Variants in DYNC1I2 observed in about 807,000 individuals in gnomAD.
The protein encoded by DYNC1I2 is dynein cytoplasmic 1 intermediate chain 2, also known as cytoplasmic dynein 1 intermediate chain 2.
DYNC1I2 carries 53 observed loss-of-function variants against 88.6 expected under a neutral mutation model. The observed-to-expected ratio is 0.60, with a 90% CI of 0.48 to 0.75. The LOEUF is 0.75. Among genes scored for constraint, DYNC1I2 ranks in the 30% least tolerant of loss-of-function variants. The pLI is 0.00. For missense variants in DYNC1I2, 458 were observed against 766.6 expected, an observed-to-expected ratio of 0.60 and a Z score of 4.75; for synonymous variants, 198 against 254.6, an observed-to-expected ratio of 0.78 and a Z score of 2.12.
intron 5 of DYNC1I2, among the ~76,000 whole-genome samples, chr2:171,708,077 A>ACACACG (rs1686824442): frequency 6.6e-6 from 1 of 151,940 alleles, no homozygotes; most frequent in Non-Finnish European, 1.5e-5. Flanking sequence ...TCACACACAC[A>ACACACG]CACACACACA....
chr2:171,726,271 G>A lies in DYNC1I2; in HGVS notation c.848G>A (p.Ser283Asn). 1 of 1,611,532 alleles carries A rather than the reference G, an allele frequency of 6.2e-7. No homozygotes were observed. ...DERWSKHRVVSCLDWSSQYPE... is the reference protein window; with the variant it reads ...DERWSKHRVVNCLDWSSQYPE... The stretch of plus-strand genomic sequence containing the variant: ...CGTTGGTCAAAGCATCGGGTGGTTA[G>A]TTGTTTGGATTGGTCATCTCAGGTA... The change falls in exon 10 of 18, where the codon AGT (serine) becomes AAT (asparagine). Residue 283 changes from serine to asparagine, a missense_variant. This residue lies in a region of DYNC1I2 where 203 missense variants were observed against 354.2 expected (regional missense o/e 0.57). Coordinates refer to ENST00000397119, the MANE Select transcript of DYNC1I2 (RefSeq NM_001378.3).
chr2:171,738,367 G>A (rs1230562405), intron 15 of DYNC1I2, among the ~76,000 whole-genome samples: 1 of 152,050 alleles, frequency 6.6e-6, no homozygotes, highest in Non-Finnish European at 1.5e-5. Context: ...ATACTCATTT[G>A]TGTCTGGCTT....
At position 171,747,915 on chromosome 2, in the gene DYNC1I2, T is replaced by C. The variant is rs1234490380; in HGVS notation, c.*26T>C. The C allele has an allele frequency of 1.3e-6, 2 of 1,502,930 alleles. No individual in the cohort carries two copies. The highest frequency in any genetic ancestry group is 1.1e-5 in the South Asian group (1 of 87,016). 93.1% of individuals were successfully genotyped at this position (1,502,930 alleles called of 1,614,324 possible). A position where few individuals can be genotyped will look rare whatever the true frequency, so the allele number is the denominator to read the frequency against. ...TTCCTGAAAAGGGGAGTGTAACTAG[T>C]GGATTTGGGAAAGGTTCTTAAGTAG... On this transcript the variant is annotated 3_prime_UTR_variant, in exon 18 of 18. Coordinates refer to ENST00000397119, the MANE Select transcript of DYNC1I2 (RefSeq NM_001378.3).
At chr2:171,692,674 C>T in intron 2 of DYNC1I2, 103 bp from the exon 3 acceptor site, 2 of 706,884 alleles carry the variant, frequency 2.8e-6, no homozygotes, top group South Asian at 4.3e-5. Flanking sequence ...AAACTAAGTT[C>T]ATGCCTTAAA....
chr2:171,690,439 T>A (rs999559370), intron 2 of DYNC1I2, among the ~76,000 whole-genome samples, 176 bp downstream of exon 2: 7 of 152,160 alleles, frequency 4.6e-5, no homozygotes, highest in African/African-American at 1.7e-4. Flanking sequence ...AATCTAGCAG[T>A]TCTGACTGCA....
chr2:171,714,052 A>G (rs1687315699), intron 6 of DYNC1I2, among the ~76,000 whole-genome samples: 1 of 152,134 alleles, frequency 6.6e-6, no homozygotes. Flanking sequence ...ATTTTTTTCC[A>G]GCTATGTGAG....
chr2:171,691,261 T>C (rs1413213238), intron 2 of DYNC1I2, among the ~76,000 whole-genome samples: 1 of 152,204 alleles, frequency 6.6e-6, no homozygotes, highest in East Asian at 1.9e-4. Context: ...ATACAGCAAA[T>C]GTACATTGGC....
intron 3 of DYNC1I2, among the ~76,000 whole-genome samples, chr2:171,703,351 T>C (rs145795708): frequency 0.023 from 3,487 of 152,254 alleles, 63 homozygotes; most frequent in Admixed American, 0.042. Context: ...TCCTCCCGCC[T>C]CAGCCTCCTG....
Position 171,732,529 on chromosome 2 carries a change from T to C in DYNC1I2, c.1536+2676T>C, listed in dbSNP as rs184360772. Among the ~76,000 whole-genome samples, 7 of 152,346 alleles carry C rather than the reference T, an allele frequency of 4.6e-5. No homozygotes were observed. In the East Asian group the frequency reaches 1.3e-3, roughly 29 times the overall value. On this transcript the variant is annotated intron_variant, in intron 15 of 17. Coordinates refer to ENST00000397119, the MANE Select transcript of DYNC1I2 (RefSeq NM_001378.3). Reference sequence around the variant, plus strand: ...TGTATCAATTAGCCTGTGGTAAAACTGGTTTTGTTTTATGTTGTTTTGCTT... The same window carrying C: ...TGTATCAATTAGCCTGTGGTAAAACCGGTTTTGTTTTATGTTGTTTTGCTT...
rs371432713 is a variant in DYNC1I2, at chr2:171,712,769, C to T, written c.338C>T (p.Thr113Met). 68 of 1,612,714 alleles carry T rather than the reference C, an allele frequency of 4.2e-5. 1 individual carries two copies. The highest frequency in any genetic ancestry group is 4.7e-5 in the Non-Finnish European group (56 of 1,179,258). Residue 113 changes from threonine (T) to methionine (M), a missense_variant and splice_region_variant, in exon 6 of 18, where the codon ACG (threonine) becomes ATG (methionine). Thr to Met is a moderately conservative substitution (Grantham distance 81, BLOSUM62 -1). Coordinates refer to ENST00000397119, the MANE Select transcript of DYNC1I2 (RefSeq NM_001378.3). ...DSGDGAVGSR[T>M]LHWDTDPSVL... ...ATGGTTGTCCTACAACCATTTAGGA[C>T]GCTGCATTGGGATACAGATCCATCA...
At chr2:171,700,249 C>T (rs1686145613) in intron 3 of DYNC1I2, among the ~76,000 whole-genome samples, 1 of 152,146 alleles carries the variant, frequency 6.6e-6, no homozygotes, top group Admixed American at 6.5e-5. Flanking sequence ...ATCCTGGTAG[C>T]ATGTTAGCTG....
chr2:171,719,763 C>G (rs1473545387), intron 7 of DYNC1I2, among the ~76,000 whole-genome samples: 1 of 152,056 alleles, frequency 6.6e-6, no homozygotes, highest in Admixed American at 6.6e-5. Context: ...TTCTGGCCAC[C>G]TTCTTGCTTT....
At chr2:171,728,531 A>G in intron 13 of DYNC1I2, 113 bp downstream of exon 13, 1 of 809,790 alleles carries the variant, frequency 1.2e-6, no homozygotes, top group Non-Finnish European at 1.9e-6. Flanking sequence ...ACAACAGCTT[A>G]TAAGCTGAAA....
intron 10 of DYNC1I2, 168 bp downstream of exon 10, chr2:171,726,461 AAGATT>A (rs764598311): frequency 8.7e-6 from 5 of 576,842 alleles, no homozygotes; most frequent in Admixed American, 3.7e-5. Context: ...CTTTGGAAGA[AAGATT>A]AGAAGCATTA....
intron 5 of DYNC1I2, among the ~76,000 whole-genome samples, chr2:171,709,446 T>C (rs1018478653): frequency 6.6e-6 from 1 of 152,184 alleles, no homozygotes; most frequent in Non-Finnish European, 1.5e-5. Context: ...CCACAGAAGA[T>C]AAAACATTCA....
intron 7 of DYNC1I2, among the ~76,000 whole-genome samples, chr2:171,719,858 T>G (rs1687786806): frequency 6.6e-6 from 1 of 152,224 alleles, no homozygotes; most frequent in Non-Finnish European, 1.5e-5. Flanking sequence ...TGAAATTGAC[T>G]AGCACCACGT....
intron 3 of DYNC1I2, among the ~76,000 whole-genome samples, chr2:171,703,131 C>A (rs1686398474): frequency 6.6e-6 from 1 of 152,230 alleles, no homozygotes; most frequent in Non-Finnish European, 1.5e-5. Context: ...CCATCACAGG[C>A]TAGACACCTA....
chr2:171,699,793 T>C (rs897895822), intron 3 of DYNC1I2, among the ~76,000 whole-genome samples: 14 of 142,710 alleles, frequency 9.8e-5, no homozygotes, highest in Admixed American at 6.9e-5. Flanking sequence ...GGTATCACTA[T>C]GCCTGGCTAG....
intron 12 of DYNC1I2, 121 bp downstream of exon 12, chr2:171,728,088 C>A: frequency 8.3e-7 from 1 of 1,204,718 alleles, no homozygotes; most frequent in Non-Finnish European, 1.1e-6. Context: ...AATTCCTCAC[C>A]ATTTAGCAAC....
Sources: allele counts gnomAD v4.1 joint callset (sites outside exome capture counted in the v4.1 genomes callset), GRCh38; gene constraint gnomAD v4.1.1; regional missense constraint gnomAD v4.1.1; transcripts MANE v1.5; gene names NCBI Gene and HGNC (gene_info 2026-07-23, HGNC 2026-07-21).